INPP4B: variants seen among roughly 807,000 people sequenced by gnomAD.
The protein encoded by INPP4B is inositol polyphosphate-4-phosphatase type II B, also known as inositol polyphosphate 4-phosphatase type II.
In INPP4B, 55 loss-of-function variants were observed where a neutral mutation model predicts 122.5. The ratio of observed to expected loss-of-function variants is 0.45; its 90% confidence interval spans 0.36 to 0.56. INPP4B has a LOEUF of 0.56. Among genes scored for constraint, INPP4B ranks in the 20% least tolerant of loss-of-function variants. INPP4B has a pLI of 0.00. For synonymous variants in INPP4B, 403 were observed against 388.7 expected, an observed-to-expected ratio of 1.04 and a Z score of -0.43; for missense variants, 1,000 against 1,097.7, an observed-to-expected ratio of 0.91 and a Z score of 1.26.
intron 3 of INPP4B, among the ~76,000 whole-genome samples, chr4:142,456,684 GAAATA>G (rs1440860668): frequency 6.6e-6 from 1 of 151,988 alleles, no homozygotes; most frequent in African/African-American, 2.4e-5. Flanking sequence ...ATTGATGAAA[GAAATA>G]AAATAAGATC....
intron 2 of INPP4B, among the ~76,000 whole-genome samples, chr4:142,708,354 G>C (rs947365262): frequency 2.6e-5 from 4 of 152,172 alleles, no homozygotes; most frequent in Non-Finnish European, 5.9e-5. Flanking sequence ...CATAGGTAAA[G>C]ATGGAATGTT....
At chr4:142,624,684 A>G (rs1157063282) in intron 2 of INPP4B, among the ~76,000 whole-genome samples, 3 of 152,192 alleles carry the variant, frequency 2.0e-5, no homozygotes, top group South Asian at 2.1e-4. Context: ...CCCAAAAAAG[A>G]GAATTTTAGA....
chr4:142,496,599 CT>C (rs1160349244), intron 2 of INPP4B, among the ~76,000 whole-genome samples: 1 of 151,994 alleles, frequency 6.6e-6, no homozygotes, highest in African/African-American at 2.4e-5. Context: ...GACCTCTTTC[CT>C]TTCTTTGTGA....
intron 9 of INPP4B, among the ~76,000 whole-genome samples, chr4:142,289,907 C>T (rs1755600776): frequency 6.6e-6 from 1 of 152,110 alleles, no homozygotes; most frequent in Non-Finnish European, 1.5e-5. Context: ...TCTACCTGTC[C>T]TTTCTTCAAA....
At chr4:142,625,420 T>G (rs1172489749) in intron 2 of INPP4B, among the ~76,000 whole-genome samples, 1 of 152,072 alleles carries the variant, frequency 6.6e-6, no homozygotes, top group Non-Finnish European at 1.5e-5. Context: ...GAATCCAACT[T>G]GCAAGGGATG....
chr4:142,111,540 T>A (rs553965115), intron 22 of INPP4B, among the ~76,000 whole-genome samples: 1 of 151,944 alleles, frequency 6.6e-6, no homozygotes, highest in East Asian at 2.0e-4. Flanking sequence ...AGAGTTGGGG[T>A]TTTGTCATAT....
intron 2 of INPP4B, among the ~76,000 whole-genome samples, chr4:142,571,262 C>G (rs1330449237): frequency 6.6e-6 from 1 of 151,928 alleles, no homozygotes; most frequent in Non-Finnish European, 1.5e-5. Flanking sequence ...TGACTTACAA[C>G]CCCAGCAACC....
intron 17 of INPP4B, among the ~76,000 whole-genome samples, chr4:142,148,515 G>A (rs1287761167): frequency 6.6e-6 from 1 of 152,140 alleles, no homozygotes; most frequent in Non-Finnish European, 1.5e-5. Context: ...GCACCAAAGG[G>A]AACTTTATAT....
At chr4:142,440,205 T>C (rs1235499440) in intron 3 of INPP4B, among the ~76,000 whole-genome samples, 1 of 152,214 alleles carries the variant, frequency 6.6e-6, no homozygotes, top group Non-Finnish European at 1.5e-5. Flanking sequence ...AGGATTGGCC[T>C]TTAAAAGAAT....
intron 9 of INPP4B, among the ~76,000 whole-genome samples, chr4:142,281,246 G>A (rs754609627): frequency 6.6e-6 from 1 of 151,622 alleles, no homozygotes; most frequent in Non-Finnish European, 1.5e-5. Context: ...ATAGATGACT[G>A]GGAATACCTG....
chr4:142,113,176 G>T (rs1339819812), intron 21 of INPP4B, among the ~76,000 whole-genome samples: 1 of 151,994 alleles, frequency 6.6e-6, no homozygotes, highest in Non-Finnish European at 1.5e-5. Flanking sequence ...ATTGCTTAGA[G>T]TGAAACTTTC....
chr4:142,840,311 A>G (rs1403072654), intron 1 of INPP4B, among the ~76,000 whole-genome samples: 1 of 152,204 alleles, frequency 6.6e-6, no homozygotes, highest in Non-Finnish European at 1.5e-5. Context: ...CTAGAAAAAA[A>G]GAATTTGCTC....
At chr4:142,199,985 A>G (rs1380165644) in intron 14 of INPP4B, among the ~76,000 whole-genome samples, 2 of 152,012 alleles carry the variant, frequency 1.3e-5, no homozygotes, top group Non-Finnish European at 2.9e-5. Flanking sequence ...TAATTTTTGC[A>G]TTCATTGATG....
chr4:142,208,745 CTTTGT>C lies in INPP4B; in HGVS notation c.967+146_967+150del, dbSNP rs755013609. 16 of 581,216 alleles carry C rather than the reference CTTTGT, an allele frequency of 2.8e-5. No individual in the cohort carries two copies. In the South Asian group the frequency reaches 6.0e-4, roughly 22 times the overall value. 36.0% of individuals were successfully genotyped at this position (581,216 alleles called of 1,614,324 possible). A position where few individuals can be genotyped will look rare whatever the true frequency, so the allele number is the denominator to read the frequency against. On this transcript the variant is annotated intron_variant, in intron 13 of 25. Transcript: ENST00000262992. ...GTAAGGTAAAATAGGGTAGTTTTTT[CTTTGT>C]TTTAAGATGTTAAAGTTAGAAATAA...
chr4:142,791,873 C>T (rs573309361), intron 1 of INPP4B, among the ~76,000 whole-genome samples: 1 of 152,106 alleles, frequency 6.6e-6, no homozygotes, highest in Admixed American at 6.6e-5. Flanking sequence ...GATTTCCCAC[C>T]CAGATGTTCT....
At chr4:142,602,366 T>C (rs913583984) in intron 2 of INPP4B, among the ~76,000 whole-genome samples, 7 of 152,144 alleles carry the variant, frequency 4.6e-5, no homozygotes, top group African/African-American at 1.7e-4. Context: ...TGCTCATGGA[T>C]AGAAAGAATC....
At chr4:142,648,819 T>C (rs1752348048) in intron 2 of INPP4B, among the ~76,000 whole-genome samples, 1 of 152,190 alleles carries the variant, frequency 6.6e-6, no homozygotes, top group African/African-American at 2.4e-5. Flanking sequence ...AACGTCCCTG[T>C]CTGACAGCTC....
rs527327980 is a variant in INPP4B, at chr4:142,255,936, T to C, written c.688+4556A>G. On this transcript the variant is annotated intron_variant, in intron 11 of 25. Transcript: ENST00000262992. ...GCACCACACCACACCTATTCCAAAA[T>C]TGACCACATAGTTGGAAGTAAAGCT... Among the ~76,000 whole-genome samples, 402 of 142,704 alleles carry C rather than the reference T, an allele frequency of 2.8e-3. 1 individual carries two copies. The highest frequency in any genetic ancestry group is 9.5e-3 in the African/African-American group (367 of 38,512). 93.6% of individuals were successfully genotyped at this position (142,704 alleles called of 152,430 possible). A position where few individuals can be genotyped will look rare whatever the true frequency, so the allele number is the denominator to read the frequency against.
chr4:142,396,119 A>G (rs539525897), intron 7 of INPP4B, among the ~76,000 whole-genome samples: 3 of 152,254 alleles, frequency 2.0e-5, no homozygotes, highest in Admixed American at 2.0e-4. Context: ...GATAAACTGG[A>G]CTTAATCAGA....
Sources: allele counts gnomAD v4.1 joint callset (sites outside exome capture counted in the v4.1 genomes callset), GRCh38; gene constraint gnomAD v4.1.1; transcripts MANE v1.5; gene names NCBI Gene and HGNC (gene_info 2026-07-23, HGNC 2026-07-21).